Variants in KCTD14 observed in about 807,000 individuals in gnomAD.
KCTD14 encodes the protein BTB/POZ domain-containing protein KCTD14.
In KCTD14, 7 loss-of-function variants were observed where a neutral mutation model predicts 5.9. The observed-to-expected ratio is 1.19, with a 90% CI of 0.68 to 2.23. The LOEUF (loss-of-function observed/expected upper bound fraction) is 2.23, where lower values mean the gene tolerates loss of function less well. KCTD14 is among the 30% of genes most tolerant of loss of function. The pLI is 0.00. For synonymous variants in KCTD14, 140 were observed against 133.1 expected (o/e 1.05, Z -0.36); for missense variants, 342 against 332.2 (o/e 1.03, Z -0.23).
chr11:78,038,653 G>A (rs1857892218), intron 2 of KCTD14: 1 of 1,535,494 alleles, frequency 6.5e-7, no homozygotes, highest in South Asian at 1.2e-5. Context: ...GAGAGGGGGT[G>A]ACCTGCATAC....
At chr11:78,020,734 A>G (rs187837852) in intron 1 of KCTD14, among the ~76,000 whole-genome samples, 1 of 152,344 alleles carries the variant, frequency 6.6e-6, no homozygotes, top group African/African-American at 2.4e-5. Context: ...CACAGCTAGG[A>G]TGTGATGAAG....
intron 1 of KCTD14, among the ~76,000 whole-genome samples, chr11:78,039,379 A>G (rs988831495): frequency 1.3e-5 from 2 of 151,720 alleles, no homozygotes; most frequent in African/African-American, 2.4e-5. Flanking sequence ...AATAAATAAA[A>G]TTAGCCAGGT....
At chr11:78,033,939 A>G (rs1857715420) in intron 2 of KCTD14, among the ~76,000 whole-genome samples, 1 of 145,768 alleles carries the variant, frequency 6.9e-6, no homozygotes, top group African/African-American at 2.5e-5. Context: ...TAATACATAT[A>G]TGCACACCAT....
At chr11:78,039,589 G>A (rs1339428091) in intron 1 of KCTD14, among the ~76,000 whole-genome samples, 3 of 151,720 alleles carry the variant, frequency 2.0e-5, no homozygotes, top group Non-Finnish European at 4.4e-5. Context: ...GCAACATGGT[G>A]AAACTTTGTC....
Position 78,017,021 on chromosome 11 carries a change from C to G in KCTD14, c.340G>C (p.Glu114Gln). Residue 114 changes from glutamate (E) to glutamine (Q), a missense_variant, in exon 2 of 2, where the codon GAA becomes CAA. Glu to Gln is a conservative substitution (Grantham distance 29). Coordinates refer to ENST00000353172, the MANE Select transcript of KCTD14 (RefSeq NM_023930.4). ...AGCAGCTTGACCAAAGGCTTGATTT[C>G]GTAGAACTGAGCCTCACGGTACACT... ...PEVYREAQFY[E>Q]IKPLVKLLED... is the part of the protein sequence containing the mutation. The G allele has an allele frequency of 1.9e-6, 3 of 1,614,214 alleles. No individual in the cohort carries two copies. The highest frequency in any genetic ancestry group is 2.5e-6 in the Non-Finnish European group (3 of 1,180,052).
chr11:78,025,243 C>T (rs1177872260), upstream of KCTD14, among the ~76,000 whole-genome samples: 1 of 150,222 alleles, frequency 6.7e-6, no homozygotes, highest in Non-Finnish European at 1.5e-5. Context: ...AGAGCCAGTC[C>T]GAGTTCCAAA....
At position 78,016,741 on chromosome 11, in the gene KCTD14, A is replaced by T; in HGVS notation, c.620T>A (p.Val207Asp). The T allele has an allele frequency of 6.2e-7, 1 of 1,614,164 alleles. No homozygotes were observed. The highest frequency in any genetic ancestry group is 1.6e-4 in the Middle Eastern group (1 of 6,062). ...SVVKFGPWKA[V>D]LDNSDLMHCL... is the part of the protein sequence containing the mutation. ...GTGCATGAGGTCGCTGTTGTCTAGG[A>T]CCGCCTTCCAGGGCCCAAACTTGAC... is the stretch of plus-strand genomic sequence containing the variant. The change falls in exon 2 of 2, where the codon GTC (valine) becomes GAC (aspartate). Residue 207 changes from valine (V) to aspartate (D), a missense_variant. Transcript: ENST00000353172.
intron 2 of KCTD14, among the ~76,000 whole-genome samples, chr11:78,030,800 G>T (rs1857591318): frequency 6.6e-6 from 1 of 152,196 alleles, no homozygotes; most frequent in Admixed American, 6.5e-5. Context: ...CTGGGGCTCA[G>T]CTGTGCCACG....
chr11:78,041,908 G>A (rs1405821886), intron 1 of KCTD14, among the ~76,000 whole-genome samples: 2 of 152,188 alleles, frequency 1.3e-5, no homozygotes, highest in Non-Finnish European at 2.9e-5. Context: ...CGTGACCCAC[G>A]GCTTCTACTA....
At chr11:78,034,484 TCTC>T (rs1465455035) in intron 2 of KCTD14, among the ~76,000 whole-genome samples, 1 of 152,076 alleles carries the variant, frequency 6.6e-6, no homozygotes, top group African/African-American at 2.4e-5. Context: ...TCTCTGCCTC[TCTC>T]CTCTCTCTGT....
chr11:78,038,544 C>T (rs756315623), intron 2 of KCTD14: 194 of 1,204,010 alleles, frequency 1.6e-4, no homozygotes, highest in East Asian at 2.6e-4. Flanking sequence ...TCTGGCTCCC[C>T]GCTCACTGGC....
intron 1 of KCTD14, among the ~76,000 whole-genome samples, chr11:78,043,456 C>T (rs1158193316): frequency 2.7e-4 from 41 of 152,118 alleles, no homozygotes; most frequent in Admixed American, 2.6e-3. Context: ...GTGTGCTTTT[C>T]GTATGAAACA....
chr11:78,032,991 T>G (rs898510756), intron 2 of KCTD14, among the ~76,000 whole-genome samples: 25 of 152,124 alleles, frequency 1.6e-4, no homozygotes, highest in African/African-American at 6.0e-4. Context: ...CATAGTCTAC[T>G]TCAAATCTAC....
intron 2 of KCTD14, among the ~76,000 whole-genome samples, chr11:78,036,397 A>G (rs1289207057): frequency 2.5e-4 from 38 of 152,232 alleles, no homozygotes; most frequent in Admixed American, 2.5e-3. Flanking sequence ...CTTTGTATGC[A>G]CGATTGAGTT....
intron 1 of KCTD14, among the ~76,000 whole-genome samples, chr11:78,019,153 A>T (rs1232670288): frequency 6.6e-6 from 1 of 151,536 alleles, no homozygotes; most frequent in East Asian, 1.9e-4. Context: ...CCTCCCAAGT[A>T]CAGATGTGCA....
intron 2 of KCTD14, among the ~76,000 whole-genome samples, chr11:78,032,814 C>T (rs1316706323): frequency 6.6e-6 from 1 of 150,982 alleles, no homozygotes; most frequent in Non-Finnish European, 1.5e-5. Context: ...AACCATGTCA[C>T]CCCCAACAGG....
intron 2 of KCTD14, among the ~76,000 whole-genome samples, chr11:78,033,021 C>G (rs1025515117): frequency 3.3e-5 from 5 of 152,192 alleles, no homozygotes; most frequent in Non-Finnish European, 7.4e-5. Flanking sequence ...GCTGTCAGAC[C>G]TGGGGCCTCA....
intron 1 of KCTD14, among the ~76,000 whole-genome samples, chr11:78,043,017 G>A (rs1253311902): frequency 6.6e-6 from 1 of 152,252 alleles, no homozygotes; most frequent in Non-Finnish European, 1.5e-5. Flanking sequence ...GACAAGGGAA[G>A]AGGGGCTGGG....
intron 1 of KCTD14, among the ~76,000 whole-genome samples, chr11:78,018,407 A>ATTTTT (rs983061042): frequency 1.4e-5 from 2 of 148,070 alleles, no homozygotes; most frequent in Non-Finnish European, 3.0e-5. Flanking sequence ...AGGAAAAAAA[A>ATTTTT]TTTTTTTTTT....
Sources: gnomAD v4.1 joint callset for allele counts (sites outside exome capture counted in the v4.1 genomes callset) on GRCh38, gnomAD v4.1.1 for gene constraint, MANE v1.5 for transcripts, NCBI Gene and HGNC (gene_info 2026-07-23, HGNC 2026-07-21) for gene names.